The following NPM2 variants were observed in gnomAD, a reference collection of about 807,000 sequenced individuals.
NPM2 encodes the protein nucleoplasmin-2.
Under a neutral mutation model 32.0 loss-of-function variants are expected in NPM2, and 25 were observed. That is an observed-to-expected ratio of 0.78 (90% CI 0.57 to 1.09). The LOEUF (loss-of-function observed/expected upper bound fraction) is 1.09. Ranked by LOEUF, NPM2 falls within the 50% of genes least tolerant of loss-of-function variation. The pLI is 0.00. For missense variants in NPM2, 282 were observed against 259.9 expected, an observed-to-expected ratio of 1.08 and a Z score of -0.58; for synonymous variants, 111 against 94.2, an observed-to-expected ratio of 1.18 and a Z score of -1.04.
At chr8:22,024,675 G>C (rs1295546772) in intron 1 of NPM2, 49 bp from the exon 2 acceptor site, 5 of 152,466 alleles carry the variant, frequency 3.3e-5, no homozygotes, top group African/African-American at 1.2e-4. Flanking sequence ...AGGGGAGAGG[G>C]AGGCGGCTTC....
rs201336219 is a variant in NPM2, at chr8:22,036,668, G to C, written c.631G>C (p.Gly211Arg). The change falls in exon 10 of 10, where the codon GGA (glycine) becomes CGA (arginine). Residue 211 changes from glycine (G) to arginine (R), a missense_variant. Physicochemically the swap from Gly to Arg is moderately radical, Grantham distance 125. Transcript: ENST00000518119. The stretch of plus-strand genomic sequence containing the variant: ...AGCCACAGCCAGAGCCAAGAAGCCA[G>C]GATTCAAGAAATGAGGAGCCACGCC... ...AKATARAKKP[G>R]FKK 16 of 1,548,576 alleles carry C rather than the reference G, an allele frequency of 1.0e-5. No individual in the cohort carries two copies. The African/African-American group carries it at 2.1e-4, about 20-fold the overall frequency.
rs370282123 is a variant in NPM2, at chr8:22,025,532, C to T, written c.144+11C>T. 1.9e-6 allele frequency: 3 copies of T among 1,613,814 alleles called. No homozygotes were observed. The highest frequency in any genetic ancestry group is 2.5e-6 in the Non-Finnish European group (3 of 1,179,858). ...CTGTTGCTTCATACGGTAGGTGTTC[C>T]CAAAAGAGGGGAGGAAGATGGTGTC... On this transcript the variant is annotated intron_variant, in intron 4 of 9. Coordinates refer to ENST00000518119, the MANE Select transcript of NPM2 (RefSeq NM_001286680.2).
chr8:22,034,692 GA>G, intron 8 of NPM2, 148 bp downstream of exon 8: 1 of 645,794 alleles, frequency 1.5e-6, no homozygotes. Flanking sequence ...TGGAAGTGCT[GA>G]AGGGTGGCAT....
Position 22,025,314 on chromosome 8 carries a change from G to A in NPM2, c.58+8G>A. On this transcript the variant is annotated splice_region_variant and intron_variant, in intron 3 of 9. Coordinates refer to ENST00000518119, the MANE Select transcript of NPM2 (RefSeq NM_001286680.2). Reference sequence around the variant, plus strand: ...TGACGACCGTGCTCTGGGGTGAGTGGGGACTCAGGCTCCTTCCCAGAGACA... The same window carrying A: ...TGACGACCGTGCTCTGGGGTGAGTGAGGACTCAGGCTCCTTCCCAGAGACA... The A allele has an allele frequency of 1.2e-6, 2 of 1,606,512 alleles. No individual in the cohort carries two copies. Among genetic ancestry groups the A allele is most frequent in the South Asian group, 1.1e-5 (1 of 90,134 alleles).
chr8:22,036,505 A>T lies in NPM2; in HGVS notation c.579A>T (p.Arg193Ser), dbSNP rs1206590099. The T allele has an allele frequency of 1.9e-6, 3 of 1,604,694 alleles. No homozygotes were observed. Among genetic ancestry groups the T allele is most frequent in the Non-Finnish European group, 2.6e-6 (3 of 1,175,796 alleles). Residue 193 changes from arginine (R) to serine (S), a missense_variant, in exon 9 of 10, where the codon AGA becomes AGT. Arg to Ser is a moderately radical substitution (Grantham distance 110). Coordinates refer to ENST00000518119, the MANE Select transcript of NPM2 (RefSeq NM_001286680.2). ...CACCCTGTTGCAGAGCCAGCGTTAG[A>T]GACAAGAGCCCTGTGAAAAAGGTGA... is the stretch of plus-strand genomic sequence containing the variant. Reference protein sequence around the residue: ...KEEEEIRASVRDKSPVKKAKA... With the variant: ...KEEEEIRASVSDKSPVKKAKA...
chr8:22,034,457 C>G (rs4871915), intron 7 of NPM2, 53 bp from the exon 8 acceptor site: 1,501,495 of 1,544,102 alleles, frequency 0.97, 730,275 homozygotes, highest in Admixed American at 0.99. Context: ...GGAATCTGTT[C>G]TGGCTCTGGA....
At chr8:22,036,316 A>G (rs1259914005) in intron 8 of NPM2, 177 bp from the exon 9 acceptor site, 4 of 580,938 alleles carry the variant, frequency 6.9e-6, no homozygotes, top group Admixed American at 3.2e-5. Flanking sequence ...GAAAACACAT[A>G]TGCGTATGCA....
chr8:22,035,833 T>C (rs1800599974), intron 8 of NPM2, among the ~76,000 whole-genome samples: 1 of 150,840 alleles, frequency 6.6e-6, no homozygotes, highest in East Asian at 2.0e-4. Context: ...CTCGGGAGGC[T>C]GAGGCAGGAG....
chr8:22,030,327 C>G (rs957884355), intron 5 of NPM2, among the ~76,000 whole-genome samples: 1 of 152,168 alleles, frequency 6.6e-6, no homozygotes, highest in Non-Finnish European at 1.5e-5. Flanking sequence ...CAGCCTCAAA[C>G]TCCTGGGCTC....
chr8:22,027,749 G>C (rs774793741), intron 5 of NPM2, among the ~76,000 whole-genome samples: 2 of 152,112 alleles, frequency 1.3e-5, no homozygotes, highest in Admixed American at 6.5e-5. Context: ...TGGGATTACA[G>C]GCATGTTCCA....
intron 5 of NPM2, among the ~76,000 whole-genome samples, chr8:22,030,724 G>C (rs1040772608): frequency 6.6e-6 from 1 of 152,008 alleles, no homozygotes; most frequent in Non-Finnish European, 1.5e-5. Flanking sequence ...CTGTCGCCCA[G>C]TCTGGAGTGC....
intron 5 of NPM2, among the ~76,000 whole-genome samples, chr8:22,026,574 C>G (rs1410859489): frequency 6.6e-6 from 1 of 151,072 alleles, no homozygotes; most frequent in Non-Finnish European, 1.5e-5. Flanking sequence ...AGTGCCTCAG[C>G]CTTCGGAGTA....
At position 22,029,120 on chromosome 8, in the gene NPM2, G is replaced by A. The variant is rs117586425; in HGVS notation, c.270+3348G>A. ...TTTATGTCCTCCCAGACAATCCAAG[G>A]AGCTTTTCTGATTCTCCTTTTTTTA... On this transcript the variant is annotated intron_variant, in intron 5 of 9. Coordinates refer to ENST00000518119, the MANE Select transcript of NPM2 (RefSeq NM_001286680.2). Among the ~76,000 whole-genome samples, 567 of 152,108 alleles carry A rather than the reference G, an allele frequency of 3.7e-3. 1 individual carries two copies. The highest frequency in any genetic ancestry group is 5.9e-3 in the Non-Finnish European group (402 of 67,980).
chr8:22,034,313 A>G, intron 7 of NPM2, 38 bp downstream of exon 7: 1 of 1,548,080 alleles, frequency 6.5e-7, no homozygotes, highest in South Asian at 1.2e-5. Flanking sequence ...AGGAAGTGGT[A>G]CCCCTACAGA....
Position 22,027,289 on chromosome 8 carries a change from A to T in NPM2, c.270+1517A>T, listed in dbSNP as rs548870339. ...TCAGCTGTCCTTGGAGGTTTGGGAG[A>T]CCCCTCTGTCAAACTGCCCTCAGAC... On this transcript the variant is annotated intron_variant, in intron 5 of 9. Transcript: ENST00000518119. 2.6e-5 allele frequency among the ~76,000 whole-genome samples: 4 copies of T among 151,388 alleles called. No individual in the cohort carries two copies. In the East Asian group the frequency reaches 7.8e-4, roughly 29 times the overall value.
chr8:22,034,140 GGAA>G lies in NPM2; in HGVS notation c.404_406del (p.Glu135del), dbSNP rs943754838. 1.5e-5 allele frequency: 24 copies of G among 1,608,332 alleles called. No homozygotes were observed. In the Admixed American group the frequency reaches 1.5e-4, roughly 10 times the overall value. On this transcript the variant is annotated inframe_deletion, in exon 7 of 10. Coordinates refer to ENST00000518119, the MANE Select transcript of NPM2 (RefSeq NM_001286680.2). ...CAGACCTAACCTGGGAGGAGGAGGA[GGAA>G]GAAGAAGGGGAGGAGGAGGAAGAGG...
rs532630336 is a variant in NPM2 at position 22,034,158 on chromosome 8, GGAGGAA to G, written c.429_434del (p.Glu143_Glu144del). ...AGGAGGAGGAAGAAGAAGGGGAGGA[GGAGGAA>G]GAGGAAGAGGAAGATGATGAGGATG... On this transcript the variant is annotated inframe_deletion, in exon 7 of 10. Transcript: ENST00000518119. The G allele has an allele frequency of 5.1e-4, 819 of 1,612,076 alleles. 3 individuals carry two copies. Among genetic ancestry groups the G allele is most frequent in the African/African-American group, 4.6e-3 (342 of 75,012 alleles).
At chr8:22,027,712 T>G (rs367726930) in intron 5 of NPM2, among the ~76,000 whole-genome samples, 1 of 151,988 alleles carries the variant, frequency 6.6e-6, no homozygotes, top group Admixed American at 6.6e-5. Context: ...GTTCGAGTGA[T>G]TCTCCCATCT....
intron 2 of NPM2, 112 bp downstream of exon 2, chr8:22,024,942 C>G (rs888028091): frequency 1.2e-5 from 5 of 413,682 alleles, no homozygotes; most frequent in Non-Finnish European, 2.1e-5. Flanking sequence ...GCCAGGTGAC[C>G]TCCCCGCGGC....
Sources: allele counts gnomAD v4.1 joint callset (sites outside exome capture counted in the v4.1 genomes callset), GRCh38; gene constraint gnomAD v4.1.1; transcripts MANE v1.5; gene names NCBI Gene and HGNC (gene_info 2026-07-23, HGNC 2026-07-21).